The following PIK3R5 variants were observed in gnomAD, a reference collection of about 807,000 sequenced individuals.
PIK3R5 encodes the protein phosphoinositide-3-kinase regulatory subunit 5, also known as phosphoinositide 3-kinase regulatory subunit 5.
In PIK3R5, 32 loss-of-function variants were observed where a neutral mutation model predicts 94.9. The observed-to-expected ratio is 0.34, with a 90% CI of 0.25 to 0.45. The LOEUF (loss-of-function observed/expected upper bound fraction) is 0.45. Among genes scored for constraint, PIK3R5 ranks in the 20% least tolerant of loss-of-function variants. The pLI, the probability that PIK3R5 is intolerant of heterozygous loss-of-function variation, is 1.00. For synonymous variants in PIK3R5, 443 were observed against 479.4 expected, an observed-to-expected ratio of 0.92 and a Z score of 0.99; for missense variants, 853 against 1,144.6, an observed-to-expected ratio of 0.75 and a Z score of 3.68.
In PIK3R5 at chr17:8,881,569, G is replaced by T; in HGVS notation, c.2382+61C>A. The T allele has an allele frequency of 7.8e-7, 1 of 1,287,230 alleles. No homozygotes were observed. The highest frequency in any genetic ancestry group is 1.6e-5 in the African/African-American group (1 of 61,748). 79.7% of individuals were successfully genotyped at this position (1,287,230 alleles called of 1,614,324 possible). A position where few individuals can be genotyped will look rare whatever the true frequency, so the allele number is the denominator to read the frequency against. Reference sequence around the variant, plus strand: ...TGTGCACACACACGTACACACATACGCACATGCACGCTCCAGTAAGTCTCT... The same window carrying T: ...TGTGCACACACACGTACACACATACTCACATGCACGCTCCAGTAAGTCTCT... On this transcript the variant is annotated intron_variant, in intron 17 of 18. Coordinates refer to ENST00000447110, the MANE Select transcript of PIK3R5 (RefSeq NM_001142633.3). This position sits in a 1 kb window ranked among gnomAD's most constrained non-coding sequence, Gnocchi z 4.8.
rs2089668110 is a variant in PIK3R5 at position 8,881,760 on chromosome 17, C to T, written c.2299+28G>A. 9 of 1,612,972 alleles carry T rather than the reference C, an allele frequency of 5.6e-6. No homozygotes were observed. The highest frequency in any genetic ancestry group is 7.6e-6 in the Non-Finnish European group (9 of 1,178,944). ...CCAGGCTCAGAGCACCTCCCTACTGCACACCCCACACTGACCACCCCACTC... is the reference window on the plus strand; with the variant it reads ...CCAGGCTCAGAGCACCTCCCTACTGTACACCCCACACTGACCACCCCACTC... On this transcript the variant is annotated intron_variant, in intron 16 of 18. Coordinates refer to ENST00000447110, the MANE Select transcript of PIK3R5 (RefSeq NM_001142633.3). The surrounding 1 kb of genome is among the most constrained non-coding windows in gnomAD (Gnocchi z 4.8).
At chr17:8,956,661 C>T (rs1311276072) in intron 1 of PIK3R5, among the ~76,000 whole-genome samples, 2 of 152,144 alleles carry the variant, frequency 1.3e-5, no homozygotes, top group Non-Finnish European at 2.9e-5. Context: ...CAGAGCTTTT[C>T]GTTTTCTCAA....
At chr17:8,907,306 C>T (rs550560973) in intron 3 of PIK3R5, among the ~76,000 whole-genome samples, 1 of 152,200 alleles carries the variant, frequency 6.6e-6, no homozygotes, top group South Asian at 2.1e-4. Flanking sequence ...GCTGGGATTA[C>T]AGGCGTGAGC....
At chr17:8,894,598 A>C (rs1271720722) in intron 5 of PIK3R5, among the ~76,000 whole-genome samples, 1 of 152,072 alleles carries the variant, frequency 6.6e-6, no homozygotes, top group Non-Finnish European at 1.5e-5. Flanking sequence ...AAACACACCA[A>C]AGGTTTTCCT....
chr17:8,927,057 C>A (rs1214575758), intron 1 of PIK3R5, among the ~76,000 whole-genome samples: 2 of 152,102 alleles, frequency 1.3e-5, no homozygotes, highest in South Asian at 4.2e-4. Flanking sequence ...GGCACACAGG[C>A]TAGGGACCCT....
chr17:8,914,827 G>T (rs115207287), intron 1 of PIK3R5, among the ~76,000 whole-genome samples: 1 of 152,246 alleles, frequency 6.6e-6, no homozygotes, highest in Non-Finnish European at 1.5e-5. Flanking sequence ...GGCCTGAGCC[G>T]GTTTGTTGTT....
intron 5 of PIK3R5, among the ~76,000 whole-genome samples, chr17:8,894,202 A>G (rs1055562512): frequency 7.9e-5 from 12 of 152,264 alleles, no homozygotes; most frequent in Non-Finnish European, 1.6e-4. Context: ...TGACCAACTT[A>G]AAGTTTCTCT....
chr17:8,964,060 C>G (rs1291637566), intron 1 of PIK3R5, among the ~76,000 whole-genome samples: 1 of 152,154 alleles, frequency 6.6e-6, no homozygotes, highest in Non-Finnish European at 1.5e-5. Flanking sequence ...GAGCATCTCC[C>G]ACGTGCAGCC....
rs745389904 is a variant in PIK3R5 at position 8,887,638 on chromosome 17, A to C, written c.1662T>G (p.Leu554=). 6.2e-7 allele frequency: 1 copy of C among 1,608,812 alleles called. No individual in the cohort carries two copies. Among genetic ancestry groups the C allele is most frequent in the Admixed American group, 1.7e-5 (1 of 59,398 alleles). The stretch of plus-strand genomic sequence containing the variant: ...GCTTCACAGGCACGTAGAAGAACTG[A>C]AGTTTGAAGAACCGTGTGAGGAGTG... ...NRPLLTRFFK[L]QFFYVPVKRS... is the part of the protein sequence containing the mutation. The change falls in exon 11 of 19, where the codon CTT becomes CTG. Residue 554 remains leucine (L), a synonymous_variant. Transcript: ENST00000447110.
chr17:8,934,044 G>A (rs1264991834), intron 1 of PIK3R5, among the ~76,000 whole-genome samples: 4 of 152,216 alleles, frequency 2.6e-5, no homozygotes, highest in Non-Finnish European at 2.9e-5. Flanking sequence ...GCAAAGCAAG[G>A]ATGTCTGTTC....
At chr17:8,905,353 A>G (rs1482822976) in intron 4 of PIK3R5, among the ~76,000 whole-genome samples, 2 of 61,206 alleles carry the variant, frequency 3.3e-5, no homozygotes, top group African/African-American at 9.0e-5. Context: ...GGGTGATCAC[A>G]TTGGGTGAAA....
Position 8,925,650 on chromosome 17 carries a change from A to G in PIK3R5, c.-13-14143T>C, listed in dbSNP as rs1239738819. On this transcript the variant is annotated intron_variant, in intron 1 of 18. Transcript: ENST00000447110. This position sits in a 1 kb window ranked among gnomAD's most constrained non-coding sequence, Gnocchi z 5.1. ...AATGAGGGATTGACATTATGTCTAA[A>G]TCAGATGGAAATGGATTAAGAAAAT... 6.6e-6 allele frequency among the ~76,000 whole-genome samples: 1 copy of G among 152,250 alleles called. No individual in the cohort carries two copies. Among genetic ancestry groups the G allele is most frequent in the Non-Finnish European group, 1.5e-5 (1 of 68,042 alleles).
rs2091260087 is a variant in PIK3R5 at position 8,945,700 on chromosome 17, C to T, written c.-14+19896G>A. ...CAACAATAGCTCCCATCCCACCTCT[C>T]CTTTACATTACAGCCTTGCCACTTC... On this transcript the variant is annotated intron_variant, in intron 1 of 18. Transcript: ENST00000447110. This position sits in a 1 kb window ranked among gnomAD's most constrained non-coding sequence, Gnocchi z 4.0. Among the ~76,000 whole-genome samples, 1 of 152,246 alleles carries T rather than the reference C, an allele frequency of 6.6e-6. No homozygotes were observed. Among genetic ancestry groups the T allele is most frequent in the South Asian group, 2.1e-4 (1 of 4,834 alleles).
At chr17:8,932,707 G>T (rs1032978202) in intron 1 of PIK3R5, among the ~76,000 whole-genome samples, 3 of 152,062 alleles carry the variant, frequency 2.0e-5, no homozygotes, top group Admixed American at 6.6e-5. Flanking sequence ...AATAAAAAAG[G>T]TTTTCAAAAT....
At position 8,904,703 on chromosome 17, in the gene PIK3R5, AAC is replaced by A. The variant is rs2090358024; in HGVS notation, c.412+72_412+73del. On this transcript the variant is annotated intron_variant, in intron 5 of 18. Coordinates refer to ENST00000447110, the MANE Select transcript of PIK3R5 (RefSeq NM_001142633.3). The surrounding 1 kb of genome is among the most constrained non-coding windows in gnomAD (Gnocchi z 5.1). ...ATGCAAGGTAAGGAGGGTCACAAAA[AAC>A]AGTTTCAGAGGAGTTGGAAGCATTC... 6.6e-7 allele frequency: 1 copy of A among 1,504,218 alleles called. No individual in the cohort carries two copies. The highest frequency in any genetic ancestry group is 1.2e-5 in the South Asian group (1 of 85,160). The allele number at this position is 1,504,218 out of a possible 1,614,324, so 93.2% of individuals were successfully genotyped here.
chr17:8,933,341 A>C (rs969439486), intron 1 of PIK3R5, among the ~76,000 whole-genome samples: 1 of 152,198 alleles, frequency 6.6e-6, no homozygotes, highest in Non-Finnish European at 1.5e-5. Flanking sequence ...GAAGTGAAGA[A>C]AGTTATAGGT....
chr17:8,932,347 G>A (rs747880877), intron 1 of PIK3R5, among the ~76,000 whole-genome samples: 10 of 151,908 alleles, frequency 6.6e-5, no homozygotes, highest in Non-Finnish European at 1.5e-4. Context: ...AATTCTCCTG[G>A]CCTCAGCCTC....
intron 3 of PIK3R5, among the ~76,000 whole-genome samples, chr17:8,907,500 AC>A (rs1207762128): frequency 2.6e-5 from 4 of 152,032 alleles, no homozygotes; most frequent in Non-Finnish European, 5.9e-5. Flanking sequence ...ATGTTTATAG[AC>A]TTTTATGACC....
chr17:8,894,155 C>T (rs2090093474), intron 5 of PIK3R5, among the ~76,000 whole-genome samples: 1 of 152,204 alleles, frequency 6.6e-6, no homozygotes, highest in Non-Finnish European at 1.5e-5. Flanking sequence ...CCTCTGAGGC[C>T]TTTAACAGTC....
Sources: allele counts gnomAD v4.1 joint callset (sites outside exome capture counted in the v4.1 genomes callset), GRCh38; gene constraint gnomAD v4.1.1; non-coding constraint Gnocchi (gnomAD v3.1); transcripts MANE v1.5; gene names NCBI Gene and HGNC (gene_info 2026-07-23, HGNC 2026-07-21).